Variants in PRKN observed in about 807,000 individuals in gnomAD.
PRKN encodes parkin RBR E3 ubiquitin protein ligase, also known as E3 ubiquitin-protein ligase parkin.
A neutral mutation model predicts 59.5 loss-of-function variants in PRKN; 56 were observed. The ratio of observed to expected loss-of-function variants is 0.94; its 90% CI spans 0.76 to 1.18. The LOEUF (loss-of-function observed/expected upper bound fraction) is 1.18, where lower values mean the gene tolerates loss of function less well. Ranked by LOEUF, PRKN falls within the 50% of genes most tolerant of loss-of-function variation. PRKN has a pLI of 0.00. For synonymous variants in PRKN, 250 were observed against 222.1 expected (o/e 1.13, Z -1.12); for missense variants, 657 against 596.4 (o/e 1.10, Z -1.06).
chr6:162,127,522 C>A (rs900551113), intron 4 of PRKN, among the ~76,000 whole-genome samples: 7 of 152,108 alleles, frequency 4.6e-5, no homozygotes, highest in Non-Finnish European at 1.0e-4. Context: ...GTACCTTATA[C>A]CATAATTTCA....
At chr6:162,581,558 C>T (rs577594813) in intron 1 of PRKN, among the ~76,000 whole-genome samples, 2 of 152,172 alleles carry the variant, frequency 1.3e-5, no homozygotes, top group Non-Finnish European at 1.5e-5. Context: ...GTCAGGAGTT[C>T]GGGACCAGCC....
At chr6:162,392,458 A>G (rs889833141) in intron 2 of PRKN, among the ~76,000 whole-genome samples, 9 of 152,266 alleles carry the variant, frequency 5.9e-5, no homozygotes, top group South Asian at 4.1e-4. Context: ...TCCTTTGATG[A>G]TACCATAATG....
At position 162,191,041 on chromosome 6, in the gene PRKN, C is replaced by T. The variant is rs9365383; in HGVS notation, c.534+10090G>A. Among the ~76,000 whole-genome samples, 800 of 152,290 alleles carry T rather than the reference C, an allele frequency of 5.3e-3. 15 individuals are homozygous for T. The East Asian group carries it at 0.053, about 10-fold the overall frequency. ...TTCACACACAAAAACAGTTTCAAGG[C>T]TAGCCAAGTCTAGTACAGGCAAAGT... is the stretch of plus-strand genomic sequence containing the variant. On this transcript the variant is annotated intron_variant, in intron 4 of 11. Coordinates refer to ENST00000366898, the MANE Select transcript of PRKN (RefSeq NM_004562.3).
In PRKN at chr6:161,538,298, C is replaced by A. The variant is rs1779498839; in HGVS notation, c.1083+10556G>T. Among the ~76,000 whole-genome samples, 1 of 152,094 alleles carries A rather than the reference C, an allele frequency of 6.6e-6. No homozygotes were observed. Among genetic ancestry groups the A allele is most frequent in the South Asian group, 2.1e-4 (1 of 4,830 alleles). ...GCAAGGGTTATACATTTGACCTGGG[C>A]CTTACCCATGGCCTTGTAGTTACTT... On this transcript the variant is annotated intron_variant, in intron 9 of 11. Coordinates refer to ENST00000366898, the MANE Select transcript of PRKN (RefSeq NM_004562.3). The surrounding 1 kb of genome is among the most constrained non-coding windows in gnomAD (Gnocchi z 4.2).
In PRKN at chr6:161,407,426, T is replaced by G. The variant is rs2114994388; in HGVS notation, c.1084-20549A>C. Among the ~76,000 whole-genome samples the G allele has an allele frequency of 6.6e-6, 1 of 152,284 alleles. No individual in the cohort carries two copies. Among genetic ancestry groups the G allele is most frequent in the East Asian group, 1.9e-4 (1 of 5,188 alleles). On this transcript the variant is annotated intron_variant, in intron 9 of 11. Coordinates refer to ENST00000366898, the MANE Select transcript of PRKN (RefSeq NM_004562.3). This position sits in a 1 kb window ranked among gnomAD's most constrained non-coding sequence, Gnocchi z 4.9. Reference sequence around the variant, plus strand: ...ATTTAACAGGACTGAAATGCCTCCATTCTAAGATGACATTAATGGTAAAAA... The same window carrying G: ...ATTTAACAGGACTGAAATGCCTCCAGTCTAAGATGACATTAATGGTAAAAA...
At chr6:161,722,981 C>T (rs1787286710) in intron 7 of PRKN, among the ~76,000 whole-genome samples, 1 of 152,062 alleles carries the variant, frequency 6.6e-6, no homozygotes. Context: ...TTAAACAGTG[C>T]ACGCTGGCTG....
chr6:162,544,207 C>T (rs1027298323), intron 1 of PRKN, among the ~76,000 whole-genome samples: 2 of 151,978 alleles, frequency 1.3e-5, no homozygotes, highest in Non-Finnish European at 1.5e-5. Context: ...GATACATAAG[C>T]ATATAAGATG....
intron 2 of PRKN, among the ~76,000 whole-genome samples, chr6:162,323,362 A>G (rs1182648021): frequency 6.6e-6 from 1 of 152,006 alleles, no homozygotes; most frequent in Non-Finnish European, 1.5e-5. Context: ...TTTCTTAGAT[A>G]ATAATACAAA....
chr6:162,578,982 T>C (rs1780671085), intron 1 of PRKN, among the ~76,000 whole-genome samples: 1 of 152,244 alleles, frequency 6.6e-6, no homozygotes, highest in Non-Finnish European at 1.5e-5. Context: ...CCTTCAATTC[T>C]TATTCAAAAA....
intron 8 of PRKN, among the ~76,000 whole-genome samples, chr6:161,568,250 T>C (rs1249895243): frequency 6.6e-6 from 1 of 152,196 alleles, no homozygotes; most frequent in East Asian, 1.9e-4. Context: ...ACATCTCCAT[T>C]TGCATATTTC....
At chr6:161,368,487 GGA>G (rs1785314280) in intron 10 of PRKN, among the ~76,000 whole-genome samples, 1 of 149,512 alleles carries the variant, frequency 6.7e-6, no homozygotes, top group South Asian at 2.1e-4. Context: ...TCCAGAAGGT[GGA>G]GATTGCACCG....
chr6:162,303,548 T>A (rs561236219), intron 2 of PRKN, among the ~76,000 whole-genome samples: 6 of 152,142 alleles, frequency 3.9e-5, no homozygotes, highest in Admixed American at 2.0e-4. Context: ...CTACTGGGTA[T>A]ACTAGAAATG....
chr6:162,687,188 C>CT (rs749381380), intron 1 of PRKN, among the ~76,000 whole-genome samples: 36,483 of 134,502 alleles, frequency 0.27, 5,801 homozygotes, highest in African/African-American at 0.41. Flanking sequence ...GCCTCTTTTT[C>CT]TTTTTTTTTT....
chr6:162,148,787 G>A (rs1022433672), intron 4 of PRKN, among the ~76,000 whole-genome samples: 5 of 152,182 alleles, frequency 3.3e-5, no homozygotes, highest in Non-Finnish European at 7.3e-5. Context: ...AGGAAATTAG[G>A]AAGTTCTCAG....
rs1365677550 is a variant in PRKN at position 161,471,201 on chromosome 6, T to C, written c.1083+77653A>G. Reference sequence around the variant, plus strand: ...AGACAGAGAAAGGCCAGGTAATGAATAGAGTGAAAAATGTACATTAGAAAA... The same window carrying C: ...AGACAGAGAAAGGCCAGGTAATGAACAGAGTGAAAAATGTACATTAGAAAA... On this transcript the variant is annotated intron_variant, in intron 9 of 11. Coordinates refer to ENST00000366898, the MANE Select transcript of PRKN (RefSeq NM_004562.3). The surrounding 1 kb of genome is among the most constrained non-coding windows in gnomAD (Gnocchi z 4.5). Among the ~76,000 whole-genome samples, 3 of 152,090 alleles carry C rather than the reference T, an allele frequency of 2.0e-5. No individual in the cohort carries two copies. The highest frequency in any genetic ancestry group is 7.2e-5 in the African/African-American group (3 of 41,426).
At chr6:162,523,218 G>C (rs1302091779) in intron 1 of PRKN, among the ~76,000 whole-genome samples, 1 of 152,196 alleles carries the variant, frequency 6.6e-6, no homozygotes, top group Non-Finnish European at 1.5e-5. Context: ...ATTCACAGGA[G>C]AGTGGGAATT....
chr6:162,180,213 C>T (rs1452021885), intron 4 of PRKN, among the ~76,000 whole-genome samples: 3 of 152,118 alleles, frequency 2.0e-5, no homozygotes, highest in Non-Finnish European at 4.4e-5. Context: ...TTTTCCCCAA[C>T]TAAACATTTT....
chr6:162,622,485 T>C (rs1319472774), intron 1 of PRKN, among the ~76,000 whole-genome samples: 11 of 152,038 alleles, frequency 7.2e-5, no homozygotes, highest in Non-Finnish European at 1.5e-4. Flanking sequence ...TGCCTGGCCT[T>C]CCTCTCAAAT....
intron 2 of PRKN, among the ~76,000 whole-genome samples, chr6:162,267,003 T>C (rs1780172214): frequency 6.6e-6 from 1 of 152,152 alleles, no homozygotes; most frequent in Non-Finnish European, 1.5e-5. Context: ...ATAATTCCTA[T>C]ATCACCATAT....
Sources: gnomAD v4.1 joint callset for allele counts (sites outside exome capture counted in the v4.1 genomes callset) on GRCh38, gnomAD v4.1.1 for gene constraint, Gnocchi (gnomAD v3.1) non-coding constraint, MANE v1.5 for transcripts, NCBI Gene and HGNC (gene_info 2026-07-23, HGNC 2026-07-21) for gene names.